RBBP6: variants seen among roughly 807,000 people sequenced by gnomAD.
RBBP6 encodes the protein RB binding protein 6, ubiquitin ligase, also known as E3 ubiquitin-protein ligase RBBP6.
A neutral mutation model predicts 167.7 loss-of-function variants in RBBP6; 25 were observed. The observed-to-expected ratio is 0.15, with a 90% confidence interval of 0.11 to 0.21. The LOEUF (loss-of-function observed/expected upper bound fraction) is 0.21. Among genes scored for constraint, RBBP6 ranks in the 10% least tolerant of loss-of-function variants. The pLI is 1.00. For synonymous variants in RBBP6, 789 were observed against 735.8 expected (o/e 1.07, Z -1.17); for missense variants, 1,868 against 2,134.2 (o/e 0.88, Z 2.46).
Position 24,570,370 on chromosome 16 carries a change from A to C in RBBP6, c.3680A>C (p.Asn1227Thr). ...KKIGSTENIS[N>T]TKEPSEKLES... ...ATTGGAAGTACAGAAAATATATCAA[A>C]CACAAAAGAACCCTCTGAAAAATTG... The change falls in exon 17 of 18, where the codon AAC (asparagine) becomes ACC (threonine). Residue 1227 changes from asparagine (N) to threonine (T), a missense_variant. Around this residue, in one of 7 missense-constraint regions of RBBP6, gnomAD observed 673 missense variants for 691.5 expected, o/e 0.97. Transcript: ENST00000319715. 1 of 1,613,098 alleles carries C rather than the reference A, an allele frequency of 6.2e-7. No individual in the cohort carries two copies. The highest frequency in any genetic ancestry group is 8.5e-7 in the Non-Finnish European group (1 of 1,179,800).
At chr16:24,544,249 G>T (rs1044436455) in intron 1 of RBBP6, among the ~76,000 whole-genome samples, 5 of 152,090 alleles carry the variant, frequency 3.3e-5, no homozygotes, top group African/African-American at 1.2e-4. Flanking sequence ...AAAAAATCTA[G>T]TCACCCCATG....
Position 24,564,941 on chromosome 16 carries a change from A to G in RBBP6, c.1589+76A>G, listed in dbSNP as rs1404446401. On this transcript the variant is annotated intron_variant, in intron 14 of 17. Transcript: ENST00000319715. ...TATCTCACCAAAGAAATTAAAGCAC[A>G]GCAGTGGCAGGAAGGAAGGGGGTCA... The G allele has an allele frequency of 2.0e-6, 3 of 1,523,036 alleles. No individual in the cohort carries two copies. The African/African-American group carries it at 4.2e-5, about 21-fold the overall frequency. 94.3% of individuals were successfully genotyped at this position (1,523,036 alleles called of 1,614,324 possible).
intron 14 of RBBP6, among the ~76,000 whole-genome samples, chr16:24,566,217 G>T (rs183861205): frequency 9.9e-5 from 15 of 152,282 alleles, no homozygotes; most frequent in Non-Finnish European, 1.9e-4. Flanking sequence ...TACTGTTGCT[G>T]TTGTGTACCA....
chr16:24,571,938 T>TA lies in RBBP6; in HGVS notation c.4872_4873insA (p.Ser1625IlefsTer3). ...CCCAGTTAAGTCATTCCTCTAGACT[T>TA]TCCTCTGACTTAACTAGAGAAACTG... is the stretch of plus-strand genomic sequence containing the variant. On this transcript the variant is annotated frameshift_variant, in exon 18 of 18. Coordinates refer to ENST00000319715, the MANE Select transcript of RBBP6 (RefSeq NM_006910.5). LOFTEE classifies it high-confidence loss of function. 1 of 1,613,960 alleles carries TA rather than the reference T, an allele frequency of 6.2e-7. No individual in the cohort carries two copies. Among genetic ancestry groups the TA allele is most frequent in the Non-Finnish European group, 8.5e-7 (1 of 1,179,956 alleles).
intron 17 of RBBP6, 117 bp from the exon 18 acceptor site, chr16:24,570,759 G>GTT: frequency 1.0e-6 from 1 of 976,234 alleles, no homozygotes; most frequent in Non-Finnish European, 1.4e-6. Context: ...TAAGTTTTTT[G>GTT]TTTTTTTTAA....
chr16:24,570,787 T>G (rs762844381), intron 17 of RBBP6, 89 bp from the exon 18 acceptor site: 126 of 1,093,548 alleles, frequency 1.2e-4, no homozygotes, highest in Non-Finnish European at 1.5e-4. Context: ...AGGACATTTG[T>G]GTTTAAGTTA....
chr16:24,559,581 G>A lies in RBBP6; in HGVS notation c.751G>A (p.Asp251Asn). ...GCCATCTTCTTCCTCAGAAGAAGAT[G>A]ATCCTATCCCAGATGAATTGTTGTG... ...EEPSSSSEEDDPIPDELLCLI... is the reference protein window; with the variant it reads ...EEPSSSSEEDNPIPDELLCLI... The change falls in exon 8 of 18, where the codon GAT (aspartate) becomes AAT (asparagine). Residue 251 changes from aspartate to asparagine, a missense_variant. This residue lies in a region of RBBP6 where 184 missense variants were observed against 327.7 expected (regional missense o/e 0.56). Coordinates refer to ENST00000319715, the MANE Select transcript of RBBP6 (RefSeq NM_006910.5). The A allele has an allele frequency of 6.2e-7, 1 of 1,608,616 alleles. No homozygotes were observed. Among genetic ancestry groups the A allele is most frequent in the Non-Finnish European group, 8.5e-7 (1 of 1,177,364 alleles).
chr16:24,572,536 A>C lies in RBBP6; in HGVS notation c.*91A>C. 1 of 1,414,648 alleles carries C rather than the reference A, an allele frequency of 7.1e-7. No individual in the cohort carries two copies. Among genetic ancestry groups the C allele is most frequent in the African/African-American group, 1.4e-5 (1 of 69,294 alleles). 87.6% of individuals were successfully genotyped at this position (1,414,648 alleles called of 1,614,324 possible). A position where few individuals can be genotyped will look rare whatever the true frequency, so the allele number is the denominator to read the frequency against. On this transcript the variant is annotated 3_prime_UTR_variant, in exon 18 of 18. Transcript: ENST00000319715. ...AGAGATTCAAGCCTTGTAAATAATG[A>C]CATGGAAGACCCTGTGCTGCACTTA... is the stretch of plus-strand genomic sequence containing the variant.
chr16:24,556,805 A>C (rs1475575581), intron 7 of RBBP6, among the ~76,000 whole-genome samples: 2 of 152,188 alleles, frequency 1.3e-5, no homozygotes, highest in Non-Finnish European at 2.9e-5. Context: ...AATCATTTTG[A>C]GAAACAGGAG....
At chr16:24,563,402 T>G (rs775968895) in intron 11 of RBBP6, 21 bp from the exon 12 acceptor site, 4 of 1,575,532 alleles carry the variant, frequency 2.5e-6, no homozygotes, top group African/African-American at 2.8e-5. Context: ...TATTTCTGTT[T>G]ATTTGTGGTT....
intron 17 of RBBP6, 118 bp from the exon 18 acceptor site, chr16:24,570,758 T>C (rs1291895760): frequency 2.1e-6 from 2 of 960,550 alleles, no homozygotes; most frequent in Non-Finnish European, 2.9e-6. Context: ...ATAAGTTTTT[T>C]GTTTTTTTTA....
At position 24,571,675 on chromosome 16, in the gene RBBP6, T is replaced by G. The variant is rs1203738581; in HGVS notation, c.4609T>G (p.Ser1537Ala). 1 of 1,613,876 alleles carries G rather than the reference T, an allele frequency of 6.2e-7. No individual in the cohort carries two copies. The highest frequency in any genetic ancestry group is 8.5e-7 in the Non-Finnish European group (1 of 1,179,990). Residue 1537 changes from serine (S) to alanine (A), a missense_variant, in exon 18 of 18, where the codon TCA (serine) becomes GCA (alanine). Ser to Ala is a moderately conservative substitution (Grantham distance 99). Around this residue, in one of 7 missense-constraint regions of RBBP6, gnomAD observed 591 missense variants for 540.5 expected, o/e 1.09. Coordinates refer to ENST00000319715, the MANE Select transcript of RBBP6 (RefSeq NM_006910.5). Reference sequence around the variant, plus strand: ...TTCCAAAAAAAGTAATTCTAGTCCCTCAAGAGACAGAAAACCTCATGATCA... The same window carrying G: ...TTCCAAAAAAAGTAATTCTAGTCCCGCAAGAGACAGAAAACCTCATGATCA... ...GDSKKSNSSPSRDRKPHDHKA... is the reference protein window; with the variant it reads ...GDSKKSNSSPARDRKPHDHKA...
At chr16:24,565,547 TAGG>T (rs1469141666) in intron 14 of RBBP6, among the ~76,000 whole-genome samples, 3 of 152,170 alleles carry the variant, frequency 2.0e-5, no homozygotes, top group African/African-American at 7.2e-5. Context: ...AAGATTCTCA[TAGG>T]AGCATGAACC....
At chr16:24,559,475 A>G (rs1242089164) in intron 7 of RBBP6, 30 bp from the exon 8 acceptor site, 2 of 1,550,574 alleles carry the variant, frequency 1.3e-6, no homozygotes, top group African/African-American at 1.4e-5. Context: ...CTTCTTAACA[A>G]TGGTAAAACA....
chr16:24,548,872 ATG>A, intron 2 of RBBP6, 71 bp from the exon 3 acceptor site: 2 of 1,221,930 alleles, frequency 1.6e-6, no homozygotes, highest in Non-Finnish European at 2.3e-6. Flanking sequence ...ATTGAAGATA[ATG>A]TGTTAAAATT....
chr16:24,550,372 T>TTG (rs57081484), intron 3 of RBBP6, among the ~76,000 whole-genome samples: 1 of 69,194 alleles, frequency 1.4e-5, no homozygotes, highest in East Asian at 3.6e-4. Flanking sequence ...TGTTTTTTTG[T>TTG]TTTTTTTTTT....
rs746029916 is a variant in RBBP6, at chr16:24,571,523, A to G, written c.4457A>G (p.Lys1486Arg). The change falls in exon 18 of 18, where the codon AAA becomes AGA. Residue 1486 changes from lysine to arginine, a missense_variant. Around this residue, in one of 7 missense-constraint regions of RBBP6, gnomAD observed 591 missense variants for 540.5 expected, o/e 1.09. Transcript: ENST00000319715. ...DYDTREYSSSKRRDEKNELTR... is the reference protein window; with the variant it reads ...DYDTREYSSSRRRDEKNELTR... ...GACACCAGAGAGTATTCAAGTTCCA[A>G]ACGTAGAGATGAAAAGAATGAATTA... 1.2e-6 allele frequency: 2 copies of G among 1,613,770 alleles called. No homozygotes were observed. The highest frequency in any genetic ancestry group is 1.6e-4 in the Middle Eastern group (1 of 6,062).
Position 24,563,261 on chromosome 16 carries a change from C to T in RBBP6, c.1352C>T (p.Ser451Phe). The T allele has an allele frequency of 6.2e-7, 1 of 1,611,544 alleles. No homozygotes were observed. Among genetic ancestry groups the T allele is most frequent in the Non-Finnish European group, 8.5e-7 (1 of 1,178,880 alleles). Reference sequence around the variant, plus strand: ...GCATCAGAGCACTCAAAGGGAACCTCCTCAATTGCAATTACCGCTCTTATG... The same window carrying T: ...GCATCAGAGCACTCAAAGGGAACCTTCTCAATTGCAATTACCGCTCTTATG... ...ALASEHSKGT[S>F]SIAITALMEE... Residue 451 changes from serine to phenylalanine, a missense_variant, in exon 11 of 18, where the codon TCC becomes TTC. This residue lies in a region of RBBP6 where 245 missense variants were observed against 240.1 expected (regional missense o/e 1.02). Coordinates refer to ENST00000319715, the MANE Select transcript of RBBP6 (RefSeq NM_006910.5).
At chr16:24,552,489 A>C (rs184572683) in intron 3 of RBBP6, among the ~76,000 whole-genome samples, 1 of 151,938 alleles carries the variant, frequency 6.6e-6, no homozygotes, top group African/African-American at 2.4e-5. Flanking sequence ...CTGTAGGGAA[A>C]TCATATCTTC....
Sources: allele counts gnomAD v4.1 joint callset (sites outside exome capture counted in the v4.1 genomes callset), GRCh38; gene constraint gnomAD v4.1.1; regional missense constraint gnomAD v4.1.1; transcripts MANE v1.5; gene names NCBI Gene and HGNC (gene_info 2026-07-23, HGNC 2026-07-21).